Variants in RCAN1 observed in about 807,000 individuals in gnomAD.
RCAN1 encodes the protein calcipressin-1.
In RCAN1, 11 loss-of-function variants were observed where a neutral mutation model predicts 22.9. That is an observed-to-expected ratio of 0.48 (90% CI 0.30 to 0.79). The LOEUF is 0.79. RCAN1 is among the 30% of genes least tolerant of loss of function. The pLI, the probability that RCAN1 is intolerant of heterozygous loss-of-function variation, is 0.06. For missense variants in RCAN1, 291 were observed against 337.8 expected, an observed-to-expected ratio of 0.86 and a Z score of 1.09; for synonymous variants, 136 against 142.3, an observed-to-expected ratio of 0.96 and a Z score of 0.32.
At position 34,521,469 on chromosome 21, in the gene RCAN1, G is replaced by GCCTC. The variant is rs1984538641; in HGVS notation, c.586+26_586+29dup. ...CAGGGCAGCAGCTGTGTCTCCCCCT[G>GCCTC]CCTCCCTCCCACCCGAGGGCCCTGC... On this transcript the variant is annotated intron_variant, in intron 3 of 3. Transcript: ENST00000313806. 5 of 1,613,594 alleles carry GCCTC rather than the reference G, an allele frequency of 3.1e-6. No homozygotes were observed. In the African/African-American group the frequency reaches 4.0e-5, roughly 13 times the overall value.
intron 1 of RCAN1, among the ~76,000 whole-genome samples, chr21:34,591,191 G>A (rs1424813868): frequency 6.6e-6 from 1 of 152,216 alleles, no homozygotes; most frequent in East Asian, 1.9e-4. Flanking sequence ...AGCTGATAAT[G>A]TAGCCGTGAA....
At chr21:34,530,630 T>TGTTTTGTTTTG (rs1555856721) in intron 1 of RCAN1, among the ~76,000 whole-genome samples, 1 of 95,600 alleles carries the variant, frequency 1.0e-5, no homozygotes, top group African/African-American at 4.6e-5. Context: ...TTTTTTTTTT[T>TGTTTTGTTTTG]TTTTTTTTTT....
intron 1 of RCAN1, among the ~76,000 whole-genome samples, chr21:34,572,786 C>G (rs1044238501): frequency 6.6e-6 from 1 of 152,090 alleles, no homozygotes; most frequent in South Asian, 2.1e-4. Context: ...CTGGAAAGGT[C>G]TCAGGAAATG....
At chr21:34,586,173 C>T (rs533743563) in intron 1 of RCAN1, among the ~76,000 whole-genome samples, 4 of 152,206 alleles carry the variant, frequency 2.6e-5, no homozygotes, top group East Asian at 3.9e-4. Flanking sequence ...ATAAACAATA[C>T]GAATAACAAA....
intron 1 of RCAN1, among the ~76,000 whole-genome samples, chr21:34,553,171 G>C (rs896507907): frequency 6.6e-6 from 1 of 152,182 alleles, no homozygotes; most frequent in Admixed American, 6.5e-5. Context: ...GAAGCCAACT[G>C]CTTCTCAAAC....
intron 1 of RCAN1, among the ~76,000 whole-genome samples, chr21:34,600,927 TACACACATGCACGTGTGTTCACAA>T (rs1233896118): frequency 6.6e-6 from 1 of 152,202 alleles, no homozygotes; most frequent in African/African-American, 2.4e-5. Context: ...GTTCATTTCA[TACACACATGCACGTGTGTTCACAA>T]ACACACATGC....
At chr21:34,519,397 C>CT (rs34152667) in intron 3 of RCAN1, among the ~76,000 whole-genome samples, 30,758 of 102,782 alleles carry the variant, frequency 0.3, 5,331 homozygotes, top group Non-Finnish European at 0.41. Flanking sequence ...TTCTTTCTTT[C>CT]TTTTTTTTTT....
At chr21:34,558,239 C>T (rs1384831149) in intron 1 of RCAN1, among the ~76,000 whole-genome samples, 1 of 152,180 alleles carries the variant, frequency 6.6e-6, no homozygotes, top group Non-Finnish European at 1.5e-5. Flanking sequence ...AACCACTCTG[C>T]AGCTGGGGTG....
chr21:34,526,255 C>T lies in RCAN1; in HGVS notation c.253-2545G>A, dbSNP rs1985040899. ...TGAGGCCAGGCCCTCATAATTACTACAAACATACAAATATCTTTATAACAT... is the reference window on the plus strand; with the variant it reads ...TGAGGCCAGGCCCTCATAATTACTATAAACATACAAATATCTTTATAACAT... On this transcript the variant is annotated intron_variant, in intron 1 of 3. Coordinates refer to ENST00000313806, the MANE Select transcript of RCAN1 (RefSeq NM_004414.7). Among the ~76,000 whole-genome samples, 3 of 152,200 alleles carry T rather than the reference C, an allele frequency of 2.0e-5. No individual in the cohort carries two copies. The South Asian group carries it at 6.2e-4, about 31-fold the overall frequency.
At chr21:34,605,339 T>C (rs922985182) in intron 1 of RCAN1, among the ~76,000 whole-genome samples, 1 of 152,248 alleles carries the variant, frequency 6.6e-6, no homozygotes, top group Admixed American at 6.5e-5. Flanking sequence ...GCTCCTCAGC[T>C]TGTAGACAGC....
chr21:34,525,088 C>A, intron 1 of RCAN1: 2 of 1,550,522 alleles, frequency 1.3e-6, no homozygotes, highest in Non-Finnish European at 1.7e-6. Context: ...CACTGAGGAC[C>A]TTGGAGAACC....
chr21:34,520,024 T>C (rs925594850), intron 3 of RCAN1, among the ~76,000 whole-genome samples: 14 of 152,166 alleles, frequency 9.2e-5, no homozygotes, highest in African/African-American at 2.7e-4. Context: ...TGCAAGTCTC[T>C]TATCTACCTA....
intron 2 of RCAN1, 92 bp downstream of exon 2, chr21:34,523,445 G>A (rs926575407): frequency 7.3e-6 from 9 of 1,228,782 alleles, no homozygotes; most frequent in South Asian, 3.1e-5. Context: ...CAGAGTTTCC[G>A]GTCAGCATAT....
rs1249628067 is a variant in RCAN1, at chr21:34,615,095, G to A, written c.-84C>T. On this transcript the variant is annotated 5_prime_UTR_variant, in exon 1 of 4. Transcript: ENST00000313806. Reference sequence around the variant, plus strand: ...GCCTCACGCGCTCCGGTCCGCGCCCGGCCGGCGGCTCCGCCGTTAACCCCC... The same window carrying A: ...GCCTCACGCGCTCCGGTCCGCGCCCAGCCGGCGGCTCCGCCGTTAACCCCC... 3.0e-6 allele frequency: 3 copies of A among 993,480 alleles called. No individual in the cohort carries two copies. The highest frequency in any genetic ancestry group is 3.6e-6 in the Non-Finnish European group (3 of 834,560). The allele number at this position is 993,480 out of a possible 1,614,324, so 61.5% of individuals were successfully genotyped here.
intron 1 of RCAN1, among the ~76,000 whole-genome samples, chr21:34,531,294 T>C (rs73900512): frequency 6.6e-6 from 1 of 152,226 alleles, no homozygotes; most frequent in Admixed American, 6.5e-5. Context: ...GGGCTTTTCA[T>C]TGCAGATTCC....
chr21:34,529,857 GCCA>G (rs1985279736), intron 1 of RCAN1, among the ~76,000 whole-genome samples: 1 of 152,142 alleles, frequency 6.6e-6, no homozygotes, highest in African/African-American at 2.4e-5. Context: ...ATCATGGGGG[GCCA>G]GTCTTTCCTG....
At chr21:34,591,741 A>T (rs1987980538) in intron 1 of RCAN1, among the ~76,000 whole-genome samples, 1 of 152,216 alleles carries the variant, frequency 6.6e-6, no homozygotes, top group East Asian at 1.9e-4. Flanking sequence ...ATGTTGCGCT[A>T]ATACGTAAAT....
rs569213027 is a variant in RCAN1, at chr21:34,523,770, A to G, written c.253-60T>C. On this transcript the variant is annotated intron_variant, in intron 1 of 3. Coordinates refer to ENST00000313806, the MANE Select transcript of RCAN1 (RefSeq NM_004414.7). ...ATTTACCTGCATATGACCCTTGACT[A>G]GATGATGTCATTACTTTTTTTTTTT... 33 of 1,365,422 alleles carry G rather than the reference A, an allele frequency of 2.4e-5. 3 individuals are homozygous for G. The South Asian group carries it at 4.2e-4, about 17-fold the overall frequency. 84.6% of individuals were successfully genotyped at this position (1,365,422 alleles called of 1,614,324 possible). A position where few individuals can be genotyped will look rare whatever the true frequency, so the allele number is the denominator to read the frequency against.
intron 1 of RCAN1, among the ~76,000 whole-genome samples, chr21:34,529,146 C>T (rs78558924): frequency 0.011 from 1,655 of 152,204 alleles, 53 homozygotes; most frequent in East Asian, 0.1. Flanking sequence ...GAGTAAGAGC[C>T]GGTCAAAATG....
Sources: gnomAD v4.1 joint callset for allele counts (sites outside exome capture counted in the v4.1 genomes callset) on GRCh38, gnomAD v4.1.1 for gene constraint, MANE v1.5 for transcripts, NCBI Gene and HGNC (gene_info 2026-07-23, HGNC 2026-07-21) for gene names.